The following F8 variants were observed in gnomAD, a reference collection of about 807,000 sequenced individuals.
F8 encodes the protein antihemophilic factor.
F8 carries 12 observed loss-of-function variants against 140.6 expected under a neutral mutation model. That is an observed-to-expected ratio of 0.09 (90% CI 0.05 to 0.14). The LOEUF (loss-of-function observed/expected upper bound fraction) is 0.14. F8 is among the 10% of genes least tolerant of loss of function. The pLI is 1.00. For synonymous variants in F8, 585 were observed against 614.6 expected, an observed-to-expected ratio of 0.95 and a Z score of 0.71; for missense variants, 1,354 against 1,720.7, an observed-to-expected ratio of 0.79 and a Z score of 3.77.
At chrX:154,913,604 A>G (rs782207946) in intron 14 of F8, among the ~76,000 whole-genome samples, 1 of 112,771 alleles carries the variant, frequency 8.9e-6, no homozygotes, top group East Asian at 2.8e-4. Context: ...AATGGGAGAA[A>G]TTGGCCAAAA....
At chrX:154,999,623 C>A (rs1287361602) in intron 1 of F8, 23 bp from the exon 2 acceptor site, 1 of 1,194,034 alleles carries the variant, frequency 8.4e-7, no homozygotes, top group South Asian at 1.8e-5. Flanking sequence ...AGGAAAAAGT[C>A]GTTCATTTTG....
At chrX:154,916,520 A>G (rs935087250) in intron 14 of F8, among the ~76,000 whole-genome samples, 5 of 111,403 alleles carry the variant, frequency 4.5e-5, no homozygotes, top group Non-Finnish European at 9.4e-5. Flanking sequence ...TCATAGTTCA[A>G]TCTTGGTAAG....
At chrX:154,922,231 T>C (rs1479503049) in intron 14 of F8, among the ~76,000 whole-genome samples, 1 of 112,145 alleles carries the variant, frequency 8.9e-6, no homozygotes, top group African/African-American at 3.2e-5. Context: ...ATGACTGCAA[T>C]AGCATCTTAA....
At chrX:154,850,846 G>T (rs782351805) in intron 25 of F8, among the ~76,000 whole-genome samples, 2 of 112,169 alleles carry the variant, frequency 1.8e-5, no homozygotes, top group Non-Finnish European at 3.8e-5. Flanking sequence ...TCAGCTGTCA[G>T]TTTGTTACTC....
At chrX:154,904,547 C>T in intron 16 of F8, 23 bp from the exon 17 acceptor site, 2 of 1,149,224 alleles carry the variant, frequency 1.7e-6, no homozygotes, top group Non-Finnish European at 2.4e-6. Flanking sequence ...GACATCAATC[C>T]TATGAGTATA....
rs1557278398 is a variant in F8, at chrX:154,929,227, C to T, written c.4563G>A (p.Gln1521=). Residue 1521 remains glutamine (Q), a synonymous_variant, in exon 14 of 26, where the codon CAG becomes CAA. Coordinates refer to ENST00000360256, the MANE Select transcript of F8 (RefSeq NM_000132.4). ...VELLPKVHIY[Q]KDLFPTETSN... ...TAGTTTCCGTAGGGAATAGGTCCTT[C>T]TGATAAATGTGAACTTTTGGAAGCA... is the stretch of plus-strand genomic sequence containing the variant. The T allele has an allele frequency of 1.7e-6, 2 of 1,211,788 alleles. No homozygotes were observed. Among genetic ancestry groups the T allele is most frequent in the Non-Finnish European group, 1.1e-6 (1 of 895,571 alleles).
At chrX:155,020,313 G>C (rs2073754097) in intron 1 of F8, among the ~76,000 whole-genome samples, 1 of 112,221 alleles carries the variant, frequency 8.9e-6, no homozygotes, top group African/African-American at 3.2e-5. Flanking sequence ...CTATTGATCT[G>C]GATGGAAATA....
intron 21 of F8, among the ~76,000 whole-genome samples, 173 bp downstream of exon 21, chrX:154,899,693 T>C (rs1367659835): frequency 8.9e-6 from 1 of 112,205 alleles, no homozygotes; most frequent in Non-Finnish European, 1.9e-5. Context: ...CATATCAATA[T>C]ACTCAATTCT....
At chrX:154,997,874 G>A (rs1284698368) in intron 2 of F8, among the ~76,000 whole-genome samples, 1 of 111,482 alleles carries the variant, frequency 9.0e-6, no homozygotes, top group African/African-American at 3.3e-5. Context: ...AAAAAGAGAG[G>A]AGTCAAAGAA....
intron 13 of F8, 138 bp from the exon 14 acceptor site, chrX:154,931,814 C>A (rs1232220733): frequency 3.2e-5 from 17 of 535,493 alleles, no homozygotes; most frequent in Non-Finnish European, 4.6e-5. Context: ...TGGGTTAAAT[C>A]CCTGGAACAT....
At chrX:154,848,441 C>T (rs1470834186) in intron 25 of F8, among the ~76,000 whole-genome samples, 2 of 112,909 alleles carry the variant, frequency 1.8e-5, no homozygotes, top group Admixed American at 9.3e-5. Flanking sequence ...CCACCAAGTT[C>T]GAGCTTCCTG....
Position 154,944,206 on chromosome X carries a change from A to G in F8, c.2113+3492T>C, listed in dbSNP as rs10482470. 9.5e-3 allele frequency among the ~76,000 whole-genome samples: 1,052 copies of G among 110,451 alleles called. 14 individuals are homozygous for G. Among genetic ancestry groups the G allele is most frequent in the African/African-American group, 0.033 (1,011 of 30,341 alleles). On this transcript the variant is annotated intron_variant, in intron 13 of 25. Coordinates refer to ENST00000360256, the MANE Select transcript of F8 (RefSeq NM_000132.4). ...AACTAAAGAGCTTCTGCACAGCAAA[A>G]GAAACTACCATCAGAGTGAACAGGC...
chrX:154,981,968 G>A (rs782614625), intron 6 of F8, among the ~76,000 whole-genome samples: 2 of 111,425 alleles, frequency 1.8e-5, no homozygotes, highest in Non-Finnish European at 3.8e-5. Context: ...GGCAGATCAC[G>A]AGGTCAGGAG....
intron 13 of F8, among the ~76,000 whole-genome samples, chrX:154,932,498 T>G (rs782491934): frequency 1.8e-5 from 2 of 112,069 alleles, no homozygotes; most frequent in Non-Finnish European, 1.9e-5. Context: ...TTTCACACAG[T>G]CTTTTCAGGG....
chrX:154,896,895 A>G (rs1044995446), intron 21 of F8, among the ~76,000 whole-genome samples: 1 of 112,217 alleles, frequency 8.9e-6, no homozygotes, highest in East Asian at 2.8e-4. Context: ...TAAGGCAGTG[A>G]ACCCATTTGA....
chrX:154,919,769 C>A (rs2073119250), intron 14 of F8: 2 of 321,509 alleles, frequency 6.2e-6, no homozygotes, highest in Non-Finnish European at 5.5e-6. Context: ...TTAGCAACTA[C>A]CACAGCTCTT....
rs185677352 is a variant in F8, at chrX:154,918,246, C to T, written c.5219+10325G>A. 4.8e-3 allele frequency among the ~76,000 whole-genome samples: 530 copies of T among 111,510 alleles called. 2 individuals carry two copies. Among genetic ancestry groups the T allele is most frequent in the African/African-American group, 0.016 (495 of 30,625 alleles). On this transcript the variant is annotated intron_variant, in intron 14 of 25. Coordinates refer to ENST00000360256, the MANE Select transcript of F8 (RefSeq NM_000132.4). ...TGGATATCCTGGTTGGGTGAGACAT[C>T]TGGTTAGGATTTTGTGTCCAGAGGA...
chrX:154,901,537 C>T, intron 19 of F8, 95 bp from the exon 20 acceptor site: 3 of 626,870 alleles, frequency 4.8e-6, no homozygotes, highest in South Asian at 4.4e-5. Flanking sequence ...TCAACAAATG[C>T]TATTTTTTAG....
chrX:154,881,537 A>G (rs1428178970), intron 22 of F8, among the ~76,000 whole-genome samples: 1 of 112,064 alleles, frequency 8.9e-6, no homozygotes, highest in Non-Finnish European at 1.9e-5. Context: ...TTGGTTCAAC[A>G]TGTGAAAATC....
Sources: allele counts gnomAD v4.1 joint callset (sites outside exome capture counted in the v4.1 genomes callset), GRCh38; gene constraint gnomAD v4.1.1; transcripts MANE v1.5; gene names NCBI Gene and HGNC (gene_info 2026-07-23, HGNC 2026-07-21).